The following CFAP221 variants were observed in gnomAD, a reference collection of about 807,000 sequenced individuals.
CFAP221 encodes cilia- and flagella-associated protein 221.
CFAP221 carries 97 observed loss-of-function variants against 113.1 expected under a neutral mutation model. That is an observed-to-expected ratio of 0.86 (90% CI 0.73 to 1.02). CFAP221 has a LOEUF of 1.02. CFAP221 is among the 50% of genes least tolerant of loss of function. The probability of loss-of-function intolerance (pLI) is 0.00; values close to 1 mark genes in which losing one functional copy is unlikely to be tolerated. For missense variants in CFAP221, 1,025 were observed against 1,013.4 expected, an observed-to-expected ratio of 1.01 and a Z score of -0.16; for synonymous variants, 331 against 354.4, an observed-to-expected ratio of 0.93 and a Z score of 0.74.
At chr2:119,612,902 C>G (rs1685276990) in intron 13 of CFAP221, among the ~76,000 whole-genome samples, 1 of 152,206 alleles carries the variant, frequency 6.6e-6, no homozygotes, top group South Asian at 2.1e-4. Flanking sequence ...CAGGGCAAGT[C>G]CCTTCCACCT....
chr2:119,628,920 C>G (rs1448404708), intron 16 of CFAP221, among the ~76,000 whole-genome samples: 1 of 152,152 alleles, frequency 6.6e-6, no homozygotes, highest in Non-Finnish European at 1.5e-5. Flanking sequence ...GAGCCCCCCT[C>G]ATTATTTTTG....
chr2:119,545,334 G>A (rs1389580867), intron 1 of CFAP221: 4 of 152,190 alleles, frequency 2.6e-5, no homozygotes, highest in Admixed American at 2.6e-4. Context: ...GTTGTTACAG[G>A]GTTATAAATT....
chr2:119,559,847 G>T (rs1286119543), intron 4 of CFAP221, 72 bp downstream of exon 4: 2 of 1,471,928 alleles, frequency 1.4e-6, no homozygotes, highest in African/African-American at 2.8e-5. Flanking sequence ...GGGGTGGGGG[G>T]TGTGTGGTGT....
chr2:119,601,827 A>G (rs1211507208), intron 8 of CFAP221, among the ~76,000 whole-genome samples: 1 of 152,370 alleles, frequency 6.6e-6, no homozygotes, highest in African/African-American at 2.4e-5. Flanking sequence ...AGAGACCAAA[A>G]TAAGTCATAT....
intron 6 of CFAP221, among the ~76,000 whole-genome samples, chr2:119,571,857 G>A (rs1003698691): frequency 6.6e-6 from 1 of 152,234 alleles, no homozygotes; most frequent in African/African-American, 2.4e-5. Flanking sequence ...ATTCAGAAGG[G>A]TATGTTTTCC....
At chr2:119,548,058 G>A (rs1680175102) in intron 2 of CFAP221, among the ~76,000 whole-genome samples, 1 of 151,992 alleles carries the variant, frequency 6.6e-6, no homozygotes, top group Non-Finnish European at 1.5e-5. Context: ...CAATCTTCTG[G>A]GCTCAAGTGA....
chr2:119,614,692 G>A (rs935349907), intron 13 of CFAP221, among the ~76,000 whole-genome samples: 1 of 152,164 alleles, frequency 6.6e-6, no homozygotes, highest in African/African-American at 2.4e-5. Flanking sequence ...TGGGGATAAT[G>A]AGAACTACAA....
intron 6 of CFAP221, among the ~76,000 whole-genome samples, chr2:119,571,559 A>G (rs1420462823): frequency 2.6e-5 from 4 of 152,076 alleles, no homozygotes; most frequent in Admixed American, 6.5e-5. Flanking sequence ...GGCTCAAACA[A>G]TCCTCCCACC....
At chr2:119,547,546 G>A (rs984353872) in intron 2 of CFAP221, among the ~76,000 whole-genome samples, 4 of 152,058 alleles carry the variant, frequency 2.6e-5, no homozygotes, top group Middle Eastern at 3.2e-3. Flanking sequence ...GCAACAGAGC[G>A]AGACTCCCTC....
At chr2:119,577,814 G>A (rs1190210829) in intron 6 of CFAP221, among the ~76,000 whole-genome samples, 1 of 152,208 alleles carries the variant, frequency 6.6e-6, no homozygotes, top group East Asian at 1.9e-4. Flanking sequence ...TTCGCTGAAG[G>A]AGAAATGAAG....
chr2:119,589,139 C>A (rs1294038277), intron 7 of CFAP221, among the ~76,000 whole-genome samples: 1 of 152,204 alleles, frequency 6.6e-6, no homozygotes, highest in Non-Finnish European at 1.5e-5. Context: ...ATGGGCTCTG[C>A]CCTTCAGCCT....
intron 11 of CFAP221, 59 bp from the exon 12 acceptor site, chr2:119,608,443 T>G: frequency 7.6e-7 from 1 of 1,312,166 alleles, no homozygotes; most frequent in South Asian, 1.4e-5. Context: ...TATTCCATCC[T>G]AAAGTTGACT....
At chr2:119,615,215 T>A (rs1415370027) in intron 13 of CFAP221, among the ~76,000 whole-genome samples, 2 of 152,222 alleles carry the variant, frequency 1.3e-5, no homozygotes, top group Non-Finnish European at 2.9e-5. Context: ...AATACATGTG[T>A]CAGCGCTGGG....
At chr2:119,637,536 A>G (rs1687195102) in intron 19 of CFAP221, among the ~76,000 whole-genome samples, 1 of 152,176 alleles carries the variant, frequency 6.6e-6, no homozygotes, top group Non-Finnish European at 1.5e-5. Context: ...GTGGTTATTA[A>G]ACATCAAACA....
intron 2 of CFAP221, 129 bp downstream of exon 2, chr2:119,546,399 T>C (rs1202542953): frequency 3.6e-6 from 4 of 1,100,562 alleles, no homozygotes; most frequent in Non-Finnish European, 3.7e-6. Flanking sequence ...CTAATTTTTA[T>C]TACTAAGAAC....
chr2:119,608,057 TATGTTTAACTTTTTGTG>T (rs1684890819), intron 11 of CFAP221, among the ~76,000 whole-genome samples: 1 of 152,250 alleles, frequency 6.6e-6, no homozygotes, highest in South Asian at 2.1e-4. Context: ...ATGGTAACTC[TATGTTTAACTTTTTGTG>T]GTGCCACCAA....
chr2:119,624,710 G>A (rs1686172065), intron 14 of CFAP221, among the ~76,000 whole-genome samples: 1 of 152,198 alleles, frequency 6.6e-6, no homozygotes, highest in African/African-American at 2.4e-5. Flanking sequence ...ATGAGTTCAT[G>A]TCCTTTGCAG....
chr2:119,579,161 G>A (rs1460558986), intron 6 of CFAP221, among the ~76,000 whole-genome samples: 2 of 152,064 alleles, frequency 1.3e-5, no homozygotes, highest in African/African-American at 4.8e-5. Flanking sequence ...TAAGGTAAGA[G>A]GGATAAAAGT....
In CFAP221 at chr2:119,627,787, G is replaced by C; in HGVS notation, c.1650+1G>C. On this transcript the variant is annotated splice_donor_variant, in intron 16 of 23. Coordinates refer to ENST00000413369, the MANE Select transcript of CFAP221 (RefSeq NM_001271049.2). LOFTEE classifies it high-confidence loss of function. ...CCCACCCCAGGACTCCAACGAGTTGGTAGGTGCCGTCAGGCTTGGGGGCGG... is the reference window on the plus strand; with the variant it reads ...CCCACCCCAGGACTCCAACGAGTTGCTAGGTGCCGTCAGGCTTGGGGGCGG... 6.2e-7 allele frequency: 1 copy of C among 1,613,480 alleles called. No individual in the cohort carries two copies. Among genetic ancestry groups the C allele is most frequent in the Non-Finnish European group, 8.5e-7 (1 of 1,179,738 alleles).
Sources: allele counts gnomAD v4.1 joint callset (sites outside exome capture counted in the v4.1 genomes callset), GRCh38; gene constraint gnomAD v4.1.1; transcripts MANE v1.5; gene names NCBI Gene and HGNC (gene_info 2026-07-23, HGNC 2026-07-21).